PRKCZ: variants seen among roughly 807,000 people sequenced by gnomAD.
PRKCZ encodes the protein protein kinase C zeta type.
PRKCZ carries 33 observed loss-of-function variants against 79.5 expected under a neutral mutation model. That is an observed-to-expected ratio of 0.41 (90% CI 0.31 to 0.55). PRKCZ has a LOEUF of 0.55. Among genes scored for constraint, PRKCZ ranks in the 20% least tolerant of loss-of-function variants. The pLI, the probability that PRKCZ is intolerant of heterozygous loss-of-function variation, is 0.19. For missense variants in PRKCZ, 578 were observed against 813.5 expected (o/e 0.71, Z 3.52); for synonymous variants, 342 against 320.9 (o/e 1.07, Z -0.70).
At chr1:2,119,054 C>T (rs1671325375) in intron 4 of PRKCZ, among the ~76,000 whole-genome samples, 1 of 79,048 alleles carries the variant, frequency 1.3e-5, no homozygotes, top group Admixed American at 1.1e-4. Context: ...TTTTATTCCA[C>T]TTTCCTCCCT....
chr1:2,057,003 C>T (rs370393177), intron 3 of PRKCZ, among the ~76,000 whole-genome samples: 11 of 152,326 alleles, frequency 7.2e-5, no homozygotes, highest in African/African-American at 2.6e-4. Context: ...GCTGGGATTA[C>T]AGATGTGAGC....
chr1:2,062,421 C>T lies in PRKCZ; in HGVS notation c.334+2830C>T, dbSNP rs60959039. Reference sequence around the variant, plus strand: ...TTCATCCATGATGGGGCATTCTTGGCGCTGCAGATCTTTTTTCTATTCTGG... The same window carrying T: ...TTCATCCATGATGGGGCATTCTTGGTGCTGCAGATCTTTTTTCTATTCTGG... On this transcript the variant is annotated intron_variant, in intron 4 of 17. Coordinates refer to ENST00000378567, the MANE Select transcript of PRKCZ (RefSeq NM_002744.6). Among the ~76,000 whole-genome samples, 1,628 of 151,792 alleles carry T rather than the reference C, an allele frequency of 0.011. 131 individuals carry two copies. The East Asian group carries it at 0.21, about 19-fold the overall frequency.
chr1:2,135,239 C>T, intron 4 of PRKCZ, 23 bp from the exon 5 acceptor site: 1 of 1,597,170 alleles, frequency 6.3e-7, no homozygotes, highest in Non-Finnish European at 8.6e-7. Flanking sequence ...TGTTTCTTTA[C>T]ACCTTTCTCA....
At chr1:2,104,732 C>T (rs1220968862) in intron 4 of PRKCZ, 5 of 985,594 alleles carry the variant, frequency 5.1e-6, no homozygotes, top group Non-Finnish European at 6.0e-6. Flanking sequence ...TCGCTCGGTG[C>T]CAGACAGGCA....
intron 9 of PRKCZ, among the ~76,000 whole-genome samples, chr1:2,154,490 C>T (rs1009918548): frequency 3.3e-5 from 5 of 152,046 alleles, no homozygotes; most frequent in Admixed American, 2.6e-4. Context: ...GATTTGTTTC[C>T]ACGAAACTTC....
At chr1:2,056,793 A>G (rs374707298) in intron 3 of PRKCZ, among the ~76,000 whole-genome samples, 2 of 150,750 alleles carry the variant, frequency 1.3e-5, no homozygotes, top group Non-Finnish European at 2.9e-5. Flanking sequence ...CAGTGGCACA[A>G]TCTCAGCTCA....
chr1:2,111,446 C>T (rs930047318), intron 4 of PRKCZ, among the ~76,000 whole-genome samples: 1 of 151,370 alleles, frequency 6.6e-6, no homozygotes, highest in African/African-American at 2.4e-5. Context: ...AGGGGTGCAC[C>T]TTGGTGGTCT....
rs1429097362 is a variant in PRKCZ, at chr1:2,172,936, G to A, written c.1285+548G>A. Among the ~76,000 whole-genome samples the A allele has an allele frequency of 2.0e-5, 3 of 151,048 alleles. No individual in the cohort carries two copies. Among genetic ancestry groups the A allele is most frequent in the African/African-American group, 2.5e-5 (1 of 40,750 alleles). ...GCAGCCGTGTGTGCGTGTGTGAAAC[G>A]GGGATGTGGGCACGCGTGTGCAGCC... On this transcript the variant is annotated intron_variant, in intron 13 of 17. Transcript: ENST00000378567. The surrounding 1 kb of genome is among the most constrained non-coding windows in gnomAD (Gnocchi z 7.8).
At chr1:2,079,068 T>C (rs546110494) in intron 4 of PRKCZ, among the ~76,000 whole-genome samples, 1 of 152,314 alleles carries the variant, frequency 6.6e-6, no homozygotes, top group East Asian at 1.9e-4. Context: ...GGTCTCGATC[T>C]TCTGACCTTG....
chr1:2,066,485 G>A (rs1008226557), intron 4 of PRKCZ, among the ~76,000 whole-genome samples: 1 of 152,176 alleles, frequency 6.6e-6, no homozygotes, highest in Non-Finnish European at 1.5e-5. Context: ...TGGCATTACA[G>A]GCACATGCCA....
At chr1:2,090,477 G>A (rs1571293943) in intron 4 of PRKCZ, among the ~76,000 whole-genome samples, 1 of 149,108 alleles carries the variant, frequency 6.7e-6, no homozygotes, top group East Asian at 2.1e-4. Flanking sequence ...TCTCACCACT[G>A]AGGGGATGCC....
rs1681387331 is a variant in PRKCZ, at chr1:2,157,821, G to T, written c.974+1729G>T. Among the ~76,000 whole-genome samples the T allele has an allele frequency of 1.3e-5, 2 of 151,936 alleles. 1 individual carries two copies. Among genetic ancestry groups the T allele is most frequent in the Admixed American group, 1.3e-4 (2 of 15,242 alleles). On this transcript the variant is annotated intron_variant, in intron 10 of 17. Coordinates refer to ENST00000378567, the MANE Select transcript of PRKCZ (RefSeq NM_002744.6). The stretch of plus-strand genomic sequence containing the variant: ...GCCTCCCAAAGTGCTGGGATTACAG[G>T]TGTCCACCACTCTGCCTGGCGGTCA...
intron 4 of PRKCZ, among the ~76,000 whole-genome samples, chr1:2,105,923 C>T (rs1668319022): frequency 6.6e-6 from 1 of 152,176 alleles, no homozygotes; most frequent in African/African-American, 2.4e-5. Flanking sequence ...GATGAGGCCC[C>T]ACCCCCCCAC....
intron 4 of PRKCZ, among the ~76,000 whole-genome samples, chr1:2,105,801 T>C (rs2102856): frequency 0.11 from 16,790 of 152,278 alleles, 2,964 homozygotes; most frequent in African/African-American, 0.37. Context: ...TGGGAGCTGC[T>C]GTGGGTGATG....
intron 4 of PRKCZ, among the ~76,000 whole-genome samples, chr1:2,070,588 C>G (rs1661485525): frequency 6.6e-6 from 1 of 152,146 alleles, no homozygotes; most frequent in South Asian, 2.1e-4. Context: ...GCAAAGTCGC[C>G]TTGGCCTGTG....
At chr1:2,131,708 G>A (rs946844440) in intron 4 of PRKCZ, among the ~76,000 whole-genome samples, 4 of 152,212 alleles carry the variant, frequency 2.6e-5, no homozygotes, top group Non-Finnish European at 1.5e-5. Context: ...GCTGTCCCCC[G>A]CCGCTGCTAG....
At chr1:2,113,505 T>C (rs907947156) in intron 4 of PRKCZ, among the ~76,000 whole-genome samples, 2 of 152,128 alleles carry the variant, frequency 1.3e-5, no homozygotes, top group African/African-American at 2.4e-5. Flanking sequence ...AACTCGGAAG[T>C]GGCACAGAGG....
At position 2,172,217 on chromosome 1, in the gene PRKCZ, A is replaced by G. The variant is rs1455460162; in HGVS notation, c.1197+27A>G. ...TGCGTGCCTTGGACCGCCTCCCCTG[A>G]CCATCCCGCATGTGCGTCTCGGGGC... is the stretch of plus-strand genomic sequence containing the variant. On this transcript the variant is annotated intron_variant, in intron 12 of 17. Coordinates refer to ENST00000378567, the MANE Select transcript of PRKCZ (RefSeq NM_002744.6). This position sits in a 1 kb window ranked among gnomAD's most constrained non-coding sequence, Gnocchi z 7.8. 2.5e-6 allele frequency: 4 copies of G among 1,613,340 alleles called. No individual in the cohort carries two copies. Among genetic ancestry groups the G allele is most frequent in the East Asian group, 2.2e-5 (1 of 44,858 alleles).
chr1:2,151,899 A>ACCTCCTGCAGCCTCCACCT (rs753489407), intron 9 of PRKCZ, among the ~76,000 whole-genome samples: 25 of 151,798 alleles, frequency 1.6e-4, no homozygotes, highest in African/African-American at 3.6e-4. Flanking sequence ...ATCACGGTTC[A>ACCTCCTGCAGCCTCCACCT]CCTCCTGCAG....
Sources: allele counts gnomAD v4.1 joint callset (sites outside exome capture counted in the v4.1 genomes callset), GRCh38; gene constraint gnomAD v4.1.1; non-coding constraint Gnocchi (gnomAD v3.1); transcripts MANE v1.5; gene names NCBI Gene and HGNC (gene_info 2026-07-23, HGNC 2026-07-21).